CFAP74: variants seen among roughly 807,000 people sequenced by gnomAD.
The protein encoded by CFAP74 is cilia- and flagella-associated protein 74.
A neutral mutation model predicts 188.9 loss-of-function variants in CFAP74; 124 were observed. The ratio of observed to expected loss-of-function variants is 0.66; its 90% CI spans 0.57 to 0.76. The LOEUF (loss-of-function observed/expected upper bound fraction) is 0.76, where lower values mean the gene tolerates loss of function less well. CFAP74 is among the 30% of genes least tolerant of loss of function. CFAP74 has a pLI of 0.00. For missense variants in CFAP74, 2,198 were observed against 2,165.2 expected, an observed-to-expected ratio of 1.02 and a Z score of -0.30; for synonymous variants, 956 against 916.7, an observed-to-expected ratio of 1.04 and a Z score of -0.77.
Position 1,985,486 on chromosome 1 carries a change from CG to C in CFAP74, c.399del (p.Ala134LeufsTer30). On this transcript the variant is annotated frameshift_variant, in exon 6 of 39. Transcript: ENST00000682832. LOFTEE classifies it high-confidence loss of function. ...GACACGGCCTGGAGGCGGCCCACAGCGGCCCTGCAGTGGTGAACGGACAGGC... is the reference window on the plus strand; with the variant it reads ...GACACGGCCTGGAGGCGGCCCACAGCGCCCTGCAGTGGTGAACGGACAGGC... ...IATEEEAGNMAAVGRLQAVSR... is the reference protein window; with the variant it reads ...IATEEEAGNMXAVGRLQAVSR... The C allele has an allele frequency of 6.2e-7, 1 of 1,613,480 alleles. No individual in the cohort carries two copies. Among genetic ancestry groups the C allele is most frequent in the Non-Finnish European group, 8.5e-7 (1 of 1,179,838 alleles).
chr1:1,982,360 C>T (rs1442335304), intron 6 of CFAP74, among the ~76,000 whole-genome samples: 6 of 151,720 alleles, frequency 4.0e-5, no homozygotes, highest in African/African-American at 9.7e-5. Flanking sequence ...TGGTCACACG[C>T]GGGGACATGC....
chr1:1,952,543 G>A (rs1245794847), intron 18 of CFAP74, among the ~76,000 whole-genome samples: 2 of 145,626 alleles, frequency 1.4e-5, no homozygotes, highest in African/African-American at 2.6e-5. Flanking sequence ...AAGAAAGAAA[G>A]AAAAAAGGAA....
intron 6 of CFAP74, among the ~76,000 whole-genome samples, chr1:1,974,520 G>T (rs920643855): frequency 6.6e-6 from 1 of 152,230 alleles, no homozygotes; most frequent in Non-Finnish European, 1.5e-5. Context: ...GCCTGAGGAA[G>T]GCCTTCAGGA....
At position 1,956,705 on chromosome 1, in the gene CFAP74, T is replaced by C. The variant is rs1024809214; in HGVS notation, c.1931A>G (p.Asn644Ser). ...ETTSRTITLT[N>S]VGGLGTTFKF... ...GAAAGTCGTGCCCAAGCCCCCAACG[T>C]TGGTCAGCGTGATGGTCCGAGACGT... The change falls in exon 17 of 39, where the codon AAC becomes AGC. Residue 644 changes from asparagine to serine, a missense_variant. Physicochemically the swap from Asn to Ser is conservative, Grantham distance 46. Coordinates refer to ENST00000682832, the MANE Select transcript of CFAP74 (RefSeq NM_001304360.2). The C allele has an allele frequency of 6.2e-7, 1 of 1,613,938 alleles. No homozygotes were observed. The highest frequency in any genetic ancestry group is 8.5e-7 in the Non-Finnish European group (1 of 1,179,992).
intron 21 of CFAP74, among the ~76,000 whole-genome samples, chr1:1,943,156 A>T (rs1253204383): frequency 2.0e-5 from 3 of 152,208 alleles, no homozygotes; most frequent in Non-Finnish European, 4.4e-5. Flanking sequence ...ACACTGAGGT[A>T]CACACAACCA....
chr1:1,981,058 C>T (rs114761731), intron 6 of CFAP74, among the ~76,000 whole-genome samples: 3,408 of 152,314 alleles, frequency 0.022, 140 homozygotes, highest in African/African-American at 0.077. Flanking sequence ...GGAGGCCTCC[C>T]GGGACCGACG....
chr1:1,922,660 AG>A lies in CFAP74; in HGVS notation c.4746del (p.Ser1583ProfsTer37). ...SLQHKGFSIE[P>X]SRGSVERGQT... The stretch of plus-strand genomic sequence containing the variant: ...TGGCCGCGCTCCACGGAGCCCCTGG[AG>A]GGCTCAATAGAGAAACCCTTGTGCT... On this transcript the variant is annotated frameshift_variant, in exon 38 of 39. Transcript: ENST00000682832. LOFTEE classifies it high-confidence loss of function. 6.2e-6 allele frequency: 10 copies of A among 1,602,616 alleles called. No individual in the cohort carries two copies. The highest frequency in any genetic ancestry group is 8.5e-6 in the Non-Finnish European group (10 of 1,173,674).
chr1:1,940,351 G>A lies in CFAP74; in HGVS notation c.2668C>T (p.Leu890=). The change falls in exon 23 of 39, where the codon CTG becomes TTG. Residue 890 remains leucine (L), a synonymous_variant. Coordinates refer to ENST00000682832, the MANE Select transcript of CFAP74 (RefSeq NM_001304360.2). ...GRYFDKETRV[L]EAPMTIWVAD... ...ACCCATATGGTCATCGGGGCCTCCA[G>A]GACTCGGGTCTCCTTGTCAAAATAC... The A allele has an allele frequency of 6.5e-7, 1 of 1,535,820 alleles. No homozygotes were observed. The highest frequency in any genetic ancestry group is 8.7e-7 in the Non-Finnish European group (1 of 1,146,736).
rs1652044223 is a variant in CFAP74, at chr1:1,927,902, T to C, written c.3388-156A>G. The stretch of plus-strand genomic sequence containing the variant: ...GCCGACCGGCGCCCGAGGAAGACAG[T>C]AGCCAGTGCGGAGGGGCACACAGAC... On this transcript the variant is annotated intron_variant, in intron 27 of 38. Transcript: ENST00000682832. 36 of 757,060 alleles carry C rather than the reference T, an allele frequency of 4.8e-5. No individual in the cohort carries two copies. The South Asian group carries it at 6.4e-4, about 13-fold the overall frequency. The allele number at this position is 757,060 out of a possible 1,614,324, so 46.9% of individuals were successfully genotyped here.
At position 1,960,018 on chromosome 1, in the gene CFAP74, A is replaced by AG. The variant is rs761237701; in HGVS notation, c.1706dup (p.Gly570TrpfsTer10). 27 of 1,591,976 alleles carry AG rather than the reference A, an allele frequency of 1.7e-5. No individual in the cohort carries two copies. The highest frequency in any genetic ancestry group is 2.2e-5 in the Non-Finnish European group (26 of 1,171,458). ...AGGACATTCCGGCTGACAGGGGGCCAGGGGGGTCAAAGCTGCAGGACGTGA... is the reference window on the plus strand; with the variant it reads ...AGGACATTCCGGCTGACAGGGGGCCAGGGGGGGTCAAAGCTGCAGGACGTGA... On this transcript the variant is annotated frameshift_variant, in exon 15 of 39. Coordinates refer to ENST00000682832, the MANE Select transcript of CFAP74 (RefSeq NM_001304360.2). LOFTEE classifies it high-confidence loss of function.
chr1:1,959,674 C>T (rs1381998177), intron 15 of CFAP74, among the ~76,000 whole-genome samples: 1 of 152,172 alleles, frequency 6.6e-6, no homozygotes, highest in Non-Finnish European at 1.5e-5. Context: ...GAGGGCATCT[C>T]AGGAGGGCTG....
At chr1:1,931,094 T>C (rs1251771801) in intron 25 of CFAP74, among the ~76,000 whole-genome samples, 1 of 152,220 alleles carries the variant, frequency 6.6e-6, no homozygotes, top group Admixed American at 6.5e-5. Flanking sequence ...TTCAAATGCG[T>C]ATTTTTATGT....
chr1:1,958,683 G>A (rs932775571), intron 16 of CFAP74, among the ~76,000 whole-genome samples: 1 of 152,220 alleles, frequency 6.6e-6, no homozygotes, highest in Admixed American at 6.5e-5. Context: ...AAAGGTGTCC[G>A]AGGCCGACAA....
In CFAP74 at chr1:1,927,167, T is replaced by G. The variant is rs578240258; in HGVS notation, c.3528-139A>C. The G allele has an allele frequency of 6.6e-4, 664 of 1,003,572 alleles. 15 individuals carry two copies. The South Asian group carries it at 0.01, about 16-fold the overall frequency. 62.2% of individuals were successfully genotyped at this position (1,003,572 alleles called of 1,614,324 possible). ...GCTGTCCCAGTTGTGTCTGACAAAC[T>G]GGCTTTTCCACCCTTCTCTGGCTCC... On this transcript the variant is annotated intron_variant, in intron 28 of 38. Coordinates refer to ENST00000682832, the MANE Select transcript of CFAP74 (RefSeq NM_001304360.2).
rs760270293 is a variant in CFAP74 at position 1,966,449 on chromosome 1, G to A, written c.1323C>T (p.Pro441=). The A allele has an allele frequency of 6.2e-6, 10 of 1,605,554 alleles. No individual in the cohort carries two copies. The highest frequency in any genetic ancestry group is 2.3e-5 in the East Asian group (1 of 44,156). Residue 441 remains proline (P), a synonymous_variant, in exon 12 of 39, where the codon CCC becomes CCT. Transcript: ENST00000682832. The stretch of plus-strand genomic sequence containing the variant: ...ACGTTTCCTCCTCTGAGCTGGCCCC[G>A]GGGTCCCCCTGGATAAGCTCACTGG... ...VVSSELIQGD[P]GASSEEETLA...
chr1:1,939,988 G>A (rs1653252197), intron 23 of CFAP74, among the ~76,000 whole-genome samples: 1 of 152,240 alleles, frequency 6.6e-6, no homozygotes, highest in Admixed American at 6.5e-5. Flanking sequence ...TGCTGCAGGT[G>A]GAGTGGGGTG....
At chr1:1,981,291 A>G (rs34957887) in intron 6 of CFAP74, among the ~76,000 whole-genome samples, 51,960 of 151,706 alleles carry the variant, frequency 0.34, 8,931 homozygotes, top group East Asian at 0.42. Flanking sequence ...AGGAGTCACC[A>G]CATTGGCCAC....
In CFAP74 at chr1:1,990,950, C is replaced by T. The variant is rs535519650; in HGVS notation, c.7G>A (p.Asp3Asn). 5 of 1,611,848 alleles carry T rather than the reference C, an allele frequency of 3.1e-6. No individual in the cohort carries two copies. In the East Asian group the frequency reaches 1.1e-4, roughly 36 times the overall value. ...TCCTCAGGGAGCAGGCTGCCGTCAT[C>T]CTCCATGCTGGGAGATAGAAATTAG... ME[D>N]DGSLLPEDEL... is the part of the protein sequence containing the mutation. The change falls in exon 2 of 39, where the codon GAT becomes AAT. Residue 3 changes from aspartate to asparagine, a missense_variant. Physicochemically the swap from Asp to Asn is conservative, Grantham distance 23. Coordinates refer to ENST00000682832, the MANE Select transcript of CFAP74 (RefSeq NM_001304360.2).
rs1033975591 is a variant in CFAP74 at position 1,985,115 on chromosome 1, G to A, written c.500+271C>T. 9.8e-6 allele frequency: 4 copies of A among 407,514 alleles called. No homozygotes were observed. The East Asian group carries it at 1.5e-4, about 16-fold the overall frequency. 25.2% of individuals were successfully genotyped at this position (407,514 alleles called of 1,614,324 possible). On this transcript the variant is annotated intron_variant, in intron 6 of 38. Coordinates refer to ENST00000682832, the MANE Select transcript of CFAP74 (RefSeq NM_001304360.2). Reference sequence around the variant, plus strand: ...CTTTGAAAACCCAGCTCGCTGTTCTGTGGAAGCACAAAGCATGAGAAACGA... The same window carrying A: ...CTTTGAAAACCCAGCTCGCTGTTCTATGGAAGCACAAAGCATGAGAAACGA...
Sources: allele counts gnomAD v4.1 joint callset (sites outside exome capture counted in the v4.1 genomes callset), GRCh38; gene constraint gnomAD v4.1.1; transcripts MANE v1.5; gene names NCBI Gene and HGNC (gene_info 2026-07-23, HGNC 2026-07-21).